The following PLEKHA7 variants were observed in gnomAD, a reference collection of about 807,000 sequenced individuals.
PLEKHA7 encodes the protein pleckstrin homology domain containing A7.
Under a neutral mutation model 170.0 loss-of-function variants are expected in PLEKHA7, and 104 were observed. That is an observed-to-expected ratio of 0.61 (90% CI 0.52 to 0.72). The LOEUF is 0.72. PLEKHA7 is among the 30% of genes least tolerant of loss of function. The probability of loss-of-function intolerance (pLI) is 0.00; values close to 1 mark genes in which losing one functional copy is unlikely to be tolerated. For missense variants in PLEKHA7, 1,615 were observed against 1,671.7 expected (o/e 0.97, Z 0.59); for synonymous variants, 648 against 660.8 (o/e 0.98, Z 0.30).
rs143089434 is a variant in PLEKHA7 at position 16,966,686 on chromosome 11, C to T, written c.221+47303G>A. 4.2e-3 allele frequency among the ~76,000 whole-genome samples: 622 copies of T among 149,786 alleles called. 3 individuals are homozygous for T. The highest frequency in any genetic ancestry group is 0.015 in the African/African-American group (584 of 39,480). On this transcript the variant is annotated intron_variant, in intron 3 of 26. Transcript: ENST00000531066. ...GTTCCGTTTCCTTAAATTTTCCATT[C>T]GGATTTTTTTTTTTTTAACCTTTTC...
intron 3 of PLEKHA7, among the ~76,000 whole-genome samples, chr11:16,977,151 A>G (rs1863119373): frequency 6.6e-6 from 1 of 152,130 alleles, no homozygotes; most frequent in African/African-American, 2.4e-5. Context: ...ACTTTAAACA[A>G]ACCATGGCCA....
chr11:16,838,693 CTTTTTTTTTTT>C (rs869209891), intron 9 of PLEKHA7, among the ~76,000 whole-genome samples: 4 of 107,870 alleles, frequency 3.7e-5, no homozygotes, highest in African/African-American at 6.9e-5. Flanking sequence ...ACACAGTTTT[CTTTTTTTTTTT>C]TTTTTTTTTT....
At chr11:16,779,718 C>A (rs534741796) in intron 26 of PLEKHA7, among the ~76,000 whole-genome samples, 1 of 152,296 alleles carries the variant, frequency 6.6e-6, no homozygotes, top group East Asian at 1.9e-4. Flanking sequence ...CTGTGAGGCA[C>A]GGGGAGCACC....
At chr11:16,800,664 A>G (rs996719248) in intron 17 of PLEKHA7, among the ~76,000 whole-genome samples, 1 of 152,216 alleles carries the variant, frequency 6.6e-6, no homozygotes, top group African/African-American at 2.4e-5. Flanking sequence ...AGGAACATGG[A>G]TCACTCTGTG....
chr11:16,934,502 T>C (rs1029218113), intron 3 of PLEKHA7, among the ~76,000 whole-genome samples: 1 of 152,196 alleles, frequency 6.6e-6, no homozygotes, highest in Non-Finnish European at 1.5e-5. Context: ...CAGAGTAGCT[T>C]CCAAGTCGCT....
At chr11:16,786,527 A>T in intron 23 of PLEKHA7, 140 bp from the exon 24 acceptor site, 1 of 1,465,420 alleles carries the variant, frequency 6.8e-7, no homozygotes, top group Non-Finnish European at 9.0e-7. Context: ...ATAGAGAATG[A>T]AGCTGCTGTC....
intron 13 of PLEKHA7, among the ~76,000 whole-genome samples, chr11:16,810,177 T>C (rs751731093): frequency 6.6e-6 from 1 of 152,254 alleles, no homozygotes; most frequent in African/African-American, 2.4e-5. Flanking sequence ...CGACTTAGCA[T>C]GTTGCTTTGG....
chr11:16,863,774 C>A (rs1222189613), intron 4 of PLEKHA7, among the ~76,000 whole-genome samples: 2 of 152,148 alleles, frequency 1.3e-5, no homozygotes, highest in Non-Finnish European at 2.9e-5. Flanking sequence ...AGGACTACCC[C>A]TTTAGGAGGG....
At position 16,975,611 on chromosome 11, in the gene PLEKHA7, G is replaced by A. The variant is rs561472611; in HGVS notation, c.221+38378C>T. On this transcript the variant is annotated intron_variant, in intron 3 of 26. Coordinates refer to ENST00000531066, the MANE Select transcript of PLEKHA7 (RefSeq NM_001329630.2). Reference sequence around the variant, plus strand: ...CTGGAACCAATCCCCAATGGATGCCGAGAGAGAAAACTATATAGTTAAGTG... The same window carrying A: ...CTGGAACCAATCCCCAATGGATGCCAAGAGAGAAAACTATATAGTTAAGTG... Among the ~76,000 whole-genome samples, 74 of 152,194 alleles carry A rather than the reference G, an allele frequency of 4.9e-4. 1 individual carries two copies. Among genetic ancestry groups the A allele is most frequent in the African/African-American group, 1.8e-3 (73 of 41,522 alleles).
intron 9 of PLEKHA7, among the ~76,000 whole-genome samples, chr11:16,828,960 T>C (rs1412683312): frequency 6.6e-6 from 1 of 152,142 alleles, no homozygotes; most frequent in African/African-American, 2.4e-5. Context: ...TCTAACCATA[T>C]GTAAACCAGA....
chr11:16,967,042 G>A (rs73427255), intron 3 of PLEKHA7, among the ~76,000 whole-genome samples: 8,471 of 152,222 alleles, frequency 0.056, 770 homozygotes, highest in African/African-American at 0.19. Flanking sequence ...CCGAAGATAC[G>A]GGGCCCTTGA....
chr11:16,971,798 T>C (rs934500555), intron 3 of PLEKHA7, among the ~76,000 whole-genome samples: 1 of 152,152 alleles, frequency 6.6e-6, no homozygotes, highest in Non-Finnish European at 1.5e-5. Flanking sequence ...GCAGATGTCA[T>C]TAAGGACTCT....
chr11:16,939,184 G>A (rs1860509830), intron 3 of PLEKHA7, among the ~76,000 whole-genome samples: 1 of 152,176 alleles, frequency 6.6e-6, no homozygotes, highest in African/African-American at 2.4e-5. Context: ...GGCTGAAGCA[G>A]GTAGATCATC....
chr11:16,782,741 G>A lies in PLEKHA7; in HGVS notation c.3793+13C>T, dbSNP rs1564898463. On this transcript the variant is annotated intron_variant, in intron 26 of 26. Coordinates refer to ENST00000531066, the MANE Select transcript of PLEKHA7 (RefSeq NM_001329630.2). Reference sequence around the variant, plus strand: ...GCAGGATCCAGGCCTTGGGGGCTGGGCCATGGCCTTACCTGCCACCTGCTT... The same window carrying A: ...GCAGGATCCAGGCCTTGGGGGCTGGACCATGGCCTTACCTGCCACCTGCTT... 2.0e-6 allele frequency: 3 copies of A among 1,535,782 alleles called. No homozygotes were observed. The highest frequency in any genetic ancestry group is 2.6e-6 in the Non-Finnish European group (3 of 1,146,814).
intron 3 of PLEKHA7, among the ~76,000 whole-genome samples, chr11:17,003,908 A>G (rs895093290): frequency 1.3e-5 from 2 of 152,188 alleles, no homozygotes; most frequent in Admixed American, 1.3e-4. Context: ...CAAGGTTACC[A>G]CAACTGCTGA....
rs529463905 is a variant in PLEKHA7, at chr11:17,013,973, G to A, written c.221+16C>T. On this transcript the variant is annotated intron_variant, in intron 3 of 26. Transcript: ENST00000531066. ...CCCGCGGCACAGGTGCGAGCGCGGC[G>A]GCCCCACTCACTCACTCGATGAAGT... 24 of 1,532,638 alleles carry A rather than the reference G, an allele frequency of 1.6e-5. No homozygotes were observed. In the South Asian group the frequency reaches 2.7e-4, roughly 17 times the overall value. The allele number at this position is 1,532,638 out of a possible 1,614,324, so 94.9% of individuals were successfully genotyped here.
Position 16,786,318 on chromosome 11 carries a change from CCTT to C in PLEKHA7, c.3424_3426del (p.Lys1142del). On this transcript the variant is annotated inframe_deletion, in exon 24 of 27. Transcript: ENST00000531066. The stretch of plus-strand genomic sequence containing the variant: ...TGCACTTTCAACCAGCCATTCTCCT[CCTT>C]GTCCTTTTTTTCCCCTTGCACGACC... The C allele has an allele frequency of 6.5e-7, 1 of 1,536,200 alleles. No homozygotes were observed. Among genetic ancestry groups the C allele is most frequent in the African/African-American group, 1.4e-5 (1 of 73,174 alleles).
chr11:16,848,960 T>C (rs1852694683), intron 8 of PLEKHA7, among the ~76,000 whole-genome samples: 1 of 152,146 alleles, frequency 6.6e-6, no homozygotes, highest in Admixed American at 6.5e-5. Flanking sequence ...CCCCAGAGCC[T>C]ACCCTCTGGC....
At chr11:16,932,550 G>A (rs1860018767) in intron 3 of PLEKHA7, among the ~76,000 whole-genome samples, 1 of 152,144 alleles carries the variant, frequency 6.6e-6, no homozygotes, top group African/African-American at 2.4e-5. Flanking sequence ...CTCCCAAAGT[G>A]TTGGGATTAC....
Sources: allele counts gnomAD v4.1 joint callset (sites outside exome capture counted in the v4.1 genomes callset), GRCh38; gene constraint gnomAD v4.1.1; transcripts MANE v1.5; gene names NCBI Gene and HGNC (gene_info 2026-07-23, HGNC 2026-07-21).